H2BC13: variants seen among roughly 807,000 people sequenced by gnomAD.
H2BC13 encodes H2B clustered histone 13.
Under a neutral mutation model 6.3 loss-of-function variants are expected in H2BC13, and 12 were observed. The observed-to-expected ratio is 1.90, with a 90% CI of 1.22 to 3.08. The LOEUF (loss-of-function observed/expected upper bound fraction) is 3.08. Ranked by LOEUF, H2BC13 falls within the 30% of genes most tolerant of loss-of-function variation. The pLI, the probability that H2BC13 is intolerant of heterozygous loss-of-function variation, is 0.00. For missense variants in H2BC13, 164 were observed against 170.4 expected (o/e 0.96, Z 0.21); for synonymous variants, 109 against 74.3 (o/e 1.47, Z -2.40).
In H2BC13 at chr6:27,807,669, G is replaced by A; in HGVS notation, c.238C>T (p.Arg80Cys). 3 of 1,614,240 alleles carry A rather than the reference G, an allele frequency of 1.9e-6. No homozygotes were observed. The highest frequency in any genetic ancestry group is 2.2e-5 in the East Asian group (1 of 44,882). The change falls in exon 1 of 1, where the codon CGC (arginine) becomes TGC (cysteine). Residue 80 changes from arginine to cysteine, a missense_variant. Arg to Cys is a radical substitution (Grantham distance 180). Coordinates refer to ENST00000377401, the MANE Select transcript of H2BC13 (RefSeq NM_003519.4). The part of the protein sequence containing the change: ...IFERIASEAS[R>C]LAHYNKRSTI... Reference sequence around the variant, plus strand: ...GAGCGCTTGTTGTAGTGCGCCAGGCGGGAAGCCTCGCTTGCGATGCGCTCG... The same window carrying A: ...GAGCGCTTGTTGTAGTGCGCCAGGCAGGAAGCCTCGCTTGCGATGCGCTCG...
Position 27,807,841 on chromosome 6 carries a change from G to A in H2BC13, c.66C>T (p.Ala22=), listed in dbSNP as rs780406007. 8 of 1,614,032 alleles carry A rather than the reference G, an allele frequency of 5.0e-6. No homozygotes were observed. The highest frequency in any genetic ancestry group is 4.4e-5 in the South Asian group (4 of 91,082). ...TGCGCTTCTTGCCATCCTTCTTCTG[G>A]GCCTTGGTCACCGCCTTCTTGGAGC... is the stretch of plus-strand genomic sequence containing the variant. ...KKGSKKAVTK[A]QKKDGKKRKR... Residue 22 remains alanine, a synonymous_variant, in exon 1 of 1, where the codon GCC becomes GCT. Transcript: ENST00000377401.
rs1379153950 is a variant in H2BC13 at position 27,807,694 on chromosome 6, G to A, written c.213C>T (p.Phe71=). Residue 71 remains phenylalanine (F), a synonymous_variant, in exon 1 of 1, where the codon TTC becomes TTT. Coordinates refer to ENST00000377401, the MANE Select transcript of H2BC13 (RefSeq NM_003519.4). ...GGGAAGCCTCGCTTGCGATGCGCTC[G>A]AAGATGTCGTTGACGAAGGAGTTCA... is the stretch of plus-strand genomic sequence containing the variant. ...GIMNSFVNDI[F]ERIASEASRL... 4 of 1,614,122 alleles carry A rather than the reference G, an allele frequency of 2.5e-6. No homozygotes were observed. Among genetic ancestry groups the A allele is most frequent in the Middle Eastern group, 1.6e-4 (1 of 6,084 alleles).
rs771835367 is a variant in H2BC13, at chr6:27,807,616, G to C, written c.291C>G (p.Thr97=). The C allele has an allele frequency of 9.3e-6, 15 of 1,614,100 alleles. No individual in the cohort carries two copies. Among genetic ancestry groups the C allele is most frequent in the African/African-American group, 1.3e-5 (1 of 74,932 alleles). The part of the protein sequence containing the change: ...RSTITSREIQ[T]AVRLLLPGEL... ...CCCCCGGAAGCAGCAGGCGCACGGC[G>C]GTCTGGATCTCCCTGGAGGTGATGG... The change falls in exon 1 of 1, where the codon ACC becomes ACG. Residue 97 remains threonine, a synonymous_variant. Coordinates refer to ENST00000377401, the MANE Select transcript of H2BC13 (RefSeq NM_003519.4).
chr6:27,807,842 G>T lies in H2BC13; in HGVS notation c.65C>A (p.Ala22Asp). Residue 22 changes from alanine (A) to aspartate (D), a missense_variant, in exon 1 of 1, where the codon GCC (alanine) becomes GAC (aspartate). Physicochemically the swap from Ala to Asp is moderately radical, Grantham distance 126. Coordinates refer to ENST00000377401, the MANE Select transcript of H2BC13 (RefSeq NM_003519.4). ...GCGCTTCTTGCCATCCTTCTTCTGG[G>T]CCTTGGTCACCGCCTTCTTGGAGCC... ...KKGSKKAVTK[A>D]QKKDGKKRKR... The T allele has an allele frequency of 6.2e-7, 1 of 1,614,138 alleles. No individual in the cohort carries two copies. The highest frequency in any genetic ancestry group is 8.5e-7 in the Non-Finnish European group (1 of 1,179,996).
Position 27,807,505 on chromosome 6 carries a change from G to C in H2BC13, c.*21C>G. 6.2e-7 allele frequency: 1 copy of C among 1,613,074 alleles called. No homozygotes were observed. Among genetic ancestry groups the C allele is most frequent in the Non-Finnish European group, 8.5e-7 (1 of 1,179,564 alleles). The stretch of plus-strand genomic sequence containing the variant: ...GAGTGGCTCTGAAAAGAGCCTTTGG[G>C]TTGGACAAGAGCTTGAGAATTTACT... On this transcript the variant is annotated 3_prime_UTR_variant, in exon 1 of 1. Coordinates refer to ENST00000377401, the MANE Select transcript of H2BC13 (RefSeq NM_003519.4).
Position 27,807,920 on chromosome 6 carries a change from T to A in H2BC13, c.-14A>T, listed in dbSNP as rs753606765. 5.6e-5 allele frequency: 90 copies of A among 1,611,628 alleles called. No homozygotes were observed. The highest frequency in any genetic ancestry group is 7.5e-5 in the Non-Finnish European group (89 of 1,179,204). On this transcript the variant is annotated 5_prime_UTR_variant, in exon 1 of 1. Transcript: ENST00000377401. ...CAGCTCGGGCATAATGAAACAATAG[T>A]GGCAAAACCAAAACAAGAAGTCGGT...
rs747415652 is a variant in H2BC13, at chr6:27,807,903, G to T, written c.4C>A (p.Pro2Thr). The T allele has an allele frequency of 6.2e-7, 1 of 1,614,040 alleles. No individual in the cohort carries two copies. The highest frequency in any genetic ancestry group is 1.7e-5 in the Admixed American group (1 of 59,986). The change falls in exon 1 of 1, where the codon CCC becomes ACC. Residue 2 changes from proline (P) to threonine (T), a missense_variant. By Grantham distance (38) the Pro-to-Thr change is conservative (BLOSUM62 -1). Coordinates refer to ENST00000377401, the MANE Select transcript of H2BC13 (RefSeq NM_003519.4). The stretch of plus-strand genomic sequence containing the variant: ...GCGGGAGCAGACTTGGCCAGCTCGG[G>T]CATAATGAAACAATAGTGGCAAAAC... M[P>T]ELAKSAPAPK...
Position 27,807,807 on chromosome 6 carries a change from G to A in H2BC13, c.100C>T (p.Arg34Cys). Residue 34 changes from arginine to cysteine, a missense_variant, in exon 1 of 1, where the codon CGC (arginine) becomes TGC (cysteine). By Grantham distance (180) the Arg-to-Cys change is radical. Transcript: ENST00000377401. ...KKDGKKRKRSRKESYSVYVYK... is the reference protein window; with the variant it reads ...KKDGKKRKRSCKESYSVYVYK... ...ACGTACACGGAGTAGCTCTCCTTGC[G>A]GCTGCGCTTGCGCTTCTTGCCATCC... The A allele has an allele frequency of 1.9e-6, 3 of 1,614,228 alleles. No homozygotes were observed. Among genetic ancestry groups the A allele is most frequent in the Non-Finnish European group, 2.5e-6 (3 of 1,180,054 alleles).
Position 27,807,893 on chromosome 6 carries a change from G to T in H2BC13, c.14C>A (p.Ala5Asp). ...CTTCTTCGGGGCGGGAGCAGACTTG[G>T]CCAGCTCGGGCATAATGAAACAATA... The part of the protein sequence containing the change: MPEL[A>D]KSAPAPKKGS... Residue 5 changes from alanine to aspartate, a missense_variant, in exon 1 of 1, where the codon GCC becomes GAC. By Grantham distance (126) the Ala-to-Asp change is moderately radical. Coordinates refer to ENST00000377401, the MANE Select transcript of H2BC13 (RefSeq NM_003519.4). The T allele has an allele frequency of 6.2e-7, 1 of 1,614,060 alleles. No homozygotes were observed. Among genetic ancestry groups the T allele is most frequent in the Non-Finnish European group, 8.5e-7 (1 of 1,179,958 alleles).
chr6:27,807,827 C>A lies in H2BC13; in HGVS notation c.80G>T (p.Gly27Val). 1 of 1,614,238 alleles carries A rather than the reference C, an allele frequency of 6.2e-7. No individual in the cohort carries two copies. Among genetic ancestry groups the A allele is most frequent in the Non-Finnish European group, 8.5e-7 (1 of 1,180,050 alleles). ...KAVTKAQKKD[G>V]KKRKRSRKES... ...CTTGCGGCTGCGCTTGCGCTTCTTG[C>A]CATCCTTCTTCTGGGCCTTGGTCAC... Residue 27 changes from glycine (G) to valine (V), a missense_variant, in exon 1 of 1, where the codon GGC (glycine) becomes GTC (valine). Coordinates refer to ENST00000377401, the MANE Select transcript of H2BC13 (RefSeq NM_003519.4).
At position 27,807,726 on chromosome 6, in the gene H2BC13, C is replaced by T; in HGVS notation, c.181G>A (p.Gly61Arg). The part of the protein sequence containing the change: ...PDTGISSKAM[G>R]IMNSFVNDIF... Reference sequence around the variant, plus strand: ...TCGTTGACGAAGGAGTTCATGATTCCCATGGCCTTAGAAGAGATGCCGGTG... The same window carrying T: ...TCGTTGACGAAGGAGTTCATGATTCTCATGGCCTTAGAAGAGATGCCGGTG... The change falls in exon 1 of 1, where the codon GGA becomes AGA. Residue 61 changes from glycine to arginine, a missense_variant. By Grantham distance (125) the Gly-to-Arg change is moderately radical. Transcript: ENST00000377401. The T allele has an allele frequency of 4.3e-6, 7 of 1,614,244 alleles. No homozygotes were observed. The highest frequency in any genetic ancestry group is 5.9e-6 in the Non-Finnish European group (7 of 1,180,046).
Position 27,807,853 on chromosome 6 carries a change from C to A in H2BC13, c.54G>T (p.Ala18=). 6.2e-7 allele frequency: 1 copy of A among 1,614,174 alleles called. No individual in the cohort carries two copies. Among genetic ancestry groups the A allele is most frequent in the Middle Eastern group, 1.6e-4 (1 of 6,062 alleles). Residue 18 remains alanine, a synonymous_variant, in exon 1 of 1, where the codon GCG becomes GCT. Coordinates refer to ENST00000377401, the MANE Select transcript of H2BC13 (RefSeq NM_003519.4). ...APAPKKGSKK[A]VTKAQKKDGK... is the part of the protein sequence containing the mutation. ...CATCCTTCTTCTGGGCCTTGGTCACCGCCTTCTTGGAGCCCTTCTTCGGGG... is the reference window on the plus strand; with the variant it reads ...CATCCTTCTTCTGGGCCTTGGTCACAGCCTTCTTGGAGCCCTTCTTCGGGG...
chr6:27,807,491 A>G lies in H2BC13; in HGVS notation c.*35T>C. ...CTTTAGATAATAGTGAGTGGCTCTG[A>G]AAAGAGCCTTTGGGTTGGACAAGAG... On this transcript the variant is annotated 3_prime_UTR_variant, in exon 1 of 1. Coordinates refer to ENST00000377401, the MANE Select transcript of H2BC13 (RefSeq NM_003519.4). 4 of 1,610,580 alleles carry G rather than the reference A, an allele frequency of 2.5e-6. No individual in the cohort carries two copies. Among genetic ancestry groups the G allele is most frequent in the Non-Finnish European group, 3.4e-6 (4 of 1,178,506 alleles).
In H2BC13 at chr6:27,807,877, G is replaced by A. The variant is rs761656522; in HGVS notation, c.30C>T (p.Ala10=). 20 of 1,614,224 alleles carry A rather than the reference G, an allele frequency of 1.2e-5. No homozygotes were observed. The highest frequency in any genetic ancestry group is 7.7e-5 in the South Asian group (7 of 91,074). ...CCGCCTTCTTGGAGCCCTTCTTCGG[G>A]GCGGGAGCAGACTTGGCCAGCTCGG... The part of the protein sequence containing the change: MPELAKSAP[A]PKKGSKKAVT... Residue 10 remains alanine, a synonymous_variant, in exon 1 of 1, where the codon GCC becomes GCT. Transcript: ENST00000377401.
In H2BC13 at chr6:27,807,834, TCTTCTGGGCCTTGGTCACCGC is replaced by T; in HGVS notation, c.52_72del (p.Ala18_Lys24del). 2 of 1,614,126 alleles carry T rather than the reference TCTTCTGGGCCTTGGTCACCGC, an allele frequency of 1.2e-6. No homozygotes were observed. Among genetic ancestry groups the T allele is most frequent in the South Asian group, 2.2e-5 (2 of 91,080 alleles). On this transcript the variant is annotated inframe_deletion, in exon 1 of 1. Coordinates refer to ENST00000377401, the MANE Select transcript of H2BC13 (RefSeq NM_003519.4). ...CTGCGCTTGCGCTTCTTGCCATCCT[TCTTCTGGGCCTTGGTCACCGC>T]CTTCTTGGAGCCCTTCTTCGGGGCG... is the stretch of plus-strand genomic sequence containing the variant.
In H2BC13 at chr6:27,807,742, G is replaced by T. The variant is rs1372579748; in HGVS notation, c.165C>A (p.Ile55=). ...VLKQVHPDTG[I]SSKAMGIMNS... ...TCATGATTCCCATGGCCTTAGAAGA[G>T]ATGCCGGTGTCGGGGTGGACCTGCT... The change falls in exon 1 of 1, where the codon ATC becomes ATA. Residue 55 remains isoleucine, a synonymous_variant. Coordinates refer to ENST00000377401, the MANE Select transcript of H2BC13 (RefSeq NM_003519.4). 1 of 1,614,124 alleles carries T rather than the reference G, an allele frequency of 6.2e-7. No homozygotes were observed. The highest frequency in any genetic ancestry group is 8.5e-7 in the Non-Finnish European group (1 of 1,180,062).
Position 27,807,646 on chromosome 6 carries a change from G to A in H2BC13, c.261C>T (p.Arg87=), listed in dbSNP as rs138784362. 5.0e-6 allele frequency: 8 copies of A among 1,614,128 alleles called. No individual in the cohort carries two copies. In the African/African-American group the frequency reaches 6.7e-5, roughly 13 times the overall value. ...EASRLAHYNK[R]STITSREIQT... ...GGATCTCCCTGGAGGTGATGGTCGA[G>A]CGCTTGTTGTAGTGCGCCAGGCGGG... The change falls in exon 1 of 1, where the codon CGC becomes CGT. Residue 87 remains arginine (R), a synonymous_variant. Transcript: ENST00000377401.
rs141737247 is a variant in H2BC13, at chr6:27,807,693, C to A, written c.214G>T (p.Glu72Ter). Residue 72 changes from glutamate (E) to a stop codon, truncating the protein, a stop_gained, in exon 1 of 1, where the codon GAG (glutamate) becomes TAG (stop). Transcript: ENST00000377401. LOFTEE classifies it high-confidence loss of function. The stretch of plus-strand genomic sequence containing the variant: ...CGGGAAGCCTCGCTTGCGATGCGCT[C>A]GAAGATGTCGTTGACGAAGGAGTTC... ...IMNSFVNDIF[E>*]RIASEASRLA... is the part of the protein sequence containing the mutation. The A allele has an allele frequency of 1.1e-5, 18 of 1,614,078 alleles. No individual in the cohort carries two copies. Among genetic ancestry groups the A allele is most frequent in the Non-Finnish European group, 1.4e-5 (17 of 1,180,046 alleles).
Position 27,807,797 on chromosome 6 carries a change from C to T in H2BC13, c.110G>A (p.Ser37Asn), listed in dbSNP as rs762291103. ...CACCTTGTACACGTACACGGAGTAG[C>T]TCTCCTTGCGGCTGCGCTTGCGCTT... The part of the protein sequence containing the change: ...GKKRKRSRKE[S>N]YSVYVYKVLK... The change falls in exon 1 of 1, where the codon AGC (serine) becomes AAC (asparagine). Residue 37 changes from serine to asparagine, a missense_variant. Coordinates refer to ENST00000377401, the MANE Select transcript of H2BC13 (RefSeq NM_003519.4). 1.2e-6 allele frequency: 2 copies of T among 1,614,228 alleles called. No individual in the cohort carries two copies. The highest frequency in any genetic ancestry group is 2.2e-5 in the East Asian group (1 of 44,882).
Sources: gnomAD v4.1 joint callset for allele counts on GRCh38, gnomAD v4.1.1 for gene constraint, MANE v1.5 for transcripts, NCBI Gene and HGNC (gene_info 2026-07-23, HGNC 2026-07-21) for gene names.